The following AFG2A variants were observed in gnomAD, a reference collection of about 807,000 sequenced individuals.
AFG2A encodes ATPase family gene 2 protein homolog A.
the AFG2A span, among the ~76,000 whole-genome samples, chr4:123,272,106 A>G: frequency 2.6e-5 from 4 of 152,230 alleles, no homozygotes; most frequent in African/African-American, 9.6e-5. Context: ...AGGTAGTTCA[A>G]AATTTCATCA....
chr4:123,256,599 A>G, the AFG2A span: 2 of 632,654 alleles, frequency 3.2e-6, no homozygotes, highest in African/African-American at 4.0e-5. Context: ...TAAAATTAGG[A>G]TATCATGAGT....
At chr4:123,149,066 G>GCA in the AFG2A span, among the ~76,000 whole-genome samples, 1 of 151,926 alleles carries the variant, frequency 6.6e-6, no homozygotes, top group South Asian at 2.1e-4. Context: ...ACGGCGCCTG[G>GCA]CACACACACA....
At chr4:123,153,257 G>A in the AFG2A span, among the ~76,000 whole-genome samples, 4 of 152,138 alleles carry the variant, frequency 2.6e-5, no homozygotes, top group Non-Finnish European at 5.9e-5. Flanking sequence ...TCACAGCATG[G>A]CAGCCGAGTT....
the AFG2A span, among the ~76,000 whole-genome samples, chr4:123,118,353 T>TTATATTA: frequency 1.5e-5 from 2 of 129,856 alleles, no homozygotes; most frequent in Non-Finnish European, 3.1e-5. Flanking sequence ...ATTATATATA[T>TTATATTA]TATATATATA....
chr4:123,161,086 T>C, the AFG2A span, among the ~76,000 whole-genome samples: 2 of 152,182 alleles, frequency 1.3e-5, no homozygotes, highest in African/African-American at 4.8e-5. Context: ...TTGCATTGTA[T>C]TGTACACTCC....
chr4:123,024,258 T>G, the AFG2A span, among the ~76,000 whole-genome samples: 1 of 109,432 alleles, frequency 9.1e-6, no homozygotes, highest in South Asian at 3.0e-4. Context: ...AAAGAAAAAA[T>G]AAAGCAACCT....
the AFG2A span, among the ~76,000 whole-genome samples, chr4:123,301,287 A>C: frequency 6.6e-6 from 1 of 152,214 alleles, no homozygotes; most frequent in African/African-American, 2.4e-5. Flanking sequence ...ATACCAATTG[A>C]AATAGTATCT....
At chr4:122,945,075 G>A in the AFG2A span, among the ~76,000 whole-genome samples, 6 of 152,318 alleles carry the variant, frequency 3.9e-5, no homozygotes, top group East Asian at 1.9e-4. Flanking sequence ...TAGGCTGCTC[G>A]GGTGTCAGGG....
At chr4:123,022,689 A>G in the AFG2A span, among the ~76,000 whole-genome samples, 3 of 151,226 alleles carry the variant, frequency 2.0e-5, no homozygotes, top group African/African-American at 7.3e-5. Flanking sequence ...TACTGGGTAT[A>G]TACCCAAAGG....
chr4:123,000,599 A>G, the AFG2A span, among the ~76,000 whole-genome samples: 1 of 133,448 alleles, frequency 7.5e-6, no homozygotes, highest in East Asian at 2.4e-4. Flanking sequence ...TATATGCTGG[A>G]TTACATTTAT....
the AFG2A span, among the ~76,000 whole-genome samples, chr4:123,169,097 G>A: frequency 6.6e-6 from 1 of 152,170 alleles, no homozygotes; most frequent in Non-Finnish European, 1.5e-5. Context: ...AATGCAGATG[G>A]GGGGAAGGAC....
the AFG2A span, among the ~76,000 whole-genome samples, chr4:123,156,759 T>TAAAAAAAA: frequency 1.0e-4 from 14 of 134,784 alleles, no homozygotes; most frequent in Admixed American, 1.5e-4. Flanking sequence ...TTAAGAAGAT[T>TAAAAAAAA]AAAAAAAAAA....
the AFG2A span, among the ~76,000 whole-genome samples, chr4:123,054,043 C>T: frequency 6.6e-6 from 1 of 152,182 alleles, no homozygotes; most frequent in Non-Finnish European, 1.5e-5. Context: ...ACTACTGAGA[C>T]CAGTTATCAG....
chr4:123,289,727 G>C, the AFG2A span, among the ~76,000 whole-genome samples: 1 of 152,222 alleles, frequency 6.6e-6, no homozygotes, highest in Admixed American at 6.5e-5. Flanking sequence ...TATTCTGACC[G>C]GGGTAAGATG....
chr4:123,290,291 A>G, the AFG2A span, among the ~76,000 whole-genome samples: 1 of 152,084 alleles, frequency 6.6e-6, no homozygotes, highest in Admixed American at 6.6e-5. Context: ...ATGTCCAGCA[A>G]TCTTCCTTAG....
the AFG2A span, among the ~76,000 whole-genome samples, chr4:123,221,651 A>G: frequency 0.032 from 4,895 of 152,226 alleles, 276 homozygotes; most frequent in African/African-American, 0.11. Flanking sequence ...ATGGCCAGGC[A>G]CAGTGGCTCA....
the AFG2A span, among the ~76,000 whole-genome samples, chr4:122,976,799 A>G: frequency 6.6e-6 from 1 of 152,212 alleles, no homozygotes; most frequent in African/African-American, 2.4e-5. Flanking sequence ...GTATTTACCA[A>G]AAGGGCAGGG....
chr4:122,949,823 G>T, the AFG2A span, among the ~76,000 whole-genome samples: 2 of 152,290 alleles, frequency 1.3e-5, no homozygotes, highest in South Asian at 4.1e-4. Context: ...GGGAGGACTA[G>T]GATTCATTAT....
the AFG2A span, among the ~76,000 whole-genome samples, chr4:123,146,102 A>G: frequency 3.9e-5 from 6 of 152,150 alleles, no homozygotes; most frequent in African/African-American, 1.2e-4. Flanking sequence ...GCAAGAGGCC[A>G]CTAAATAGGA....
Sources: gnomAD v4.1 joint callset for allele counts (sites outside exome capture counted in the v4.1 genomes callset) on GRCh38, gnomAD v4.1.1 for gene constraint, MANE v1.5 for transcripts, NCBI Gene and HGNC (gene_info 2026-07-23, HGNC 2026-07-21) for gene names.